TTN: variants seen among roughly 807,000 people sequenced by gnomAD.
TTN encodes the protein connectin.
Under a neutral mutation model 3,223.0 loss-of-function variants are expected in TTN, and 1,525 were observed. The observed-to-expected ratio is 0.47, with a 90% CI of 0.45 to 0.49. The LOEUF (loss-of-function observed/expected upper bound fraction) is 0.49, where lower values mean the gene tolerates loss of function less well. TTN is among the 20% of genes least tolerant of loss of function. The pLI, the probability that TTN is intolerant of heterozygous loss-of-function variation, is 0.00. For synonymous variants in TTN, 14,094 were observed against 15,161.0 expected (o/e 0.93, Z 5.17); for missense variants, 40,786 against 43,424.0 (o/e 0.94, Z 5.40).
chr2:178,677,133 C>A (rs2068245562), intron 147 of TTN, 68 bp downstream of exon 147: 2 of 1,051,996 alleles, frequency 1.9e-6, no homozygotes. Flanking sequence ...TCCTAAAACC[C>A]AGTTTCATCA....
At chr2:178,805,080 T>C (rs1266813100) in intron 1 of TTN, among the ~76,000 whole-genome samples, 1 of 152,118 alleles carries the variant, frequency 6.6e-6, no homozygotes, top group Admixed American at 6.5e-5. Flanking sequence ...TGGTGGCTCA[T>C]GCTGGTAATC....
chr2:178,679,769 C>A (rs2068913412), intron 140 of TTN, 87 bp from the exon 141 acceptor site: 1 of 1,534,030 alleles, frequency 6.5e-7, no homozygotes, highest in East Asian at 2.3e-5. Flanking sequence ...ATTTCAGCAT[C>A]TAAAAATATC....
chr2:178,593,433 G>A lies in TTN; in HGVS notation c.58775C>T (p.Thr19592Ile), dbSNP rs745441183. 6.2e-7 allele frequency: 1 copy of A among 1,612,928 alleles called. No homozygotes were observed. The highest frequency in any genetic ancestry group is 8.5e-7 in the Non-Finnish European group (1 of 1,179,540). ...APDQPIVTEV[T>I]KDSALVTWNK... is the part of the protein sequence containing the mutation. Reference sequence around the variant, plus strand: ...CCAGGTTACTAATGCAGAGTCTTTGGTAACTTCTGTAACAATTGGCTGATC... The same window carrying A: ...CCAGGTTACTAATGCAGAGTCTTTGATAACTTCTGTAACAATTGGCTGATC... Residue 19592 changes from threonine to isoleucine, a missense_variant, in exon 299 of 363, where the codon ACC becomes ATC. Coordinates refer to ENST00000589042, the MANE Select transcript of TTN (RefSeq NM_001267550.2).
At chr2:178,540,026 CTA>C in intron 351 of TTN, 40 bp downstream of exon 351, 1 of 1,598,068 alleles carries the variant, frequency 6.3e-7, no homozygotes, top group East Asian at 2.2e-5. Flanking sequence ...AGAAATAAGT[CTA>C]TGGCAATTAT....
rs150733188 is a variant in TTN at position 178,684,711 on chromosome 2, C to G, written c.32593G>C (p.Val10865Leu). 2.2e-4 allele frequency: 362 copies of G among 1,613,548 alleles called. No individual in the cohort carries two copies. The African/African-American group carries it at 4.3e-3, about 19-fold the overall frequency. The change falls in exon 131 of 363, where the codon GTT becomes CTT. Residue 10865 changes from valine to leucine, a missense_variant. Physicochemically the swap from Val to Leu is conservative, Grantham distance 32 (BLOSUM62 1). Transcript: ENST00000589042. ...TCCATCTTAATGACTTTTGGAGGAA[C>G]CTTTTTTTCTGGAACTGGTTTCTTT... ...EPKKPVPEKKVPPKVIKMEEP... is the reference protein window; with the variant it reads ...EPKKPVPEKKLPPKVIKMEEP...
At chr2:178,765,471 G>T (rs1381810131) in intron 41 of TTN, among the ~76,000 whole-genome samples, 1 of 152,140 alleles carries the variant, frequency 6.6e-6, no homozygotes, top group Non-Finnish European at 1.5e-5. Flanking sequence ...CTTCTGTGAG[G>T]CTGGTTTCTG....
chr2:178,641,974 T>C (rs2061296470), intron 219 of TTN, among the ~76,000 whole-genome samples: 1 of 151,858 alleles, frequency 6.6e-6, no homozygotes, highest in South Asian at 2.1e-4. Flanking sequence ...TTGTTGTTAG[T>C]TTAGAATATT....
chr2:178,673,535 TA>T, intron 152 of TTN, 97 bp downstream of exon 152: 1 of 826,168 alleles, frequency 1.2e-6, no homozygotes, highest in Non-Finnish European at 1.8e-6. Context: ...GTTCACTATC[TA>T]AATGATTATA....
chr2:178,617,318 G>T lies in TTN; in HGVS notation c.47760+7C>A. ...TGAATATTCTTTTTTATATGCAAAT[G>T]ACCTACCTTGTAAGTCAGTTCAGGG... On this transcript the variant is annotated splice_region_variant and intron_variant, in intron 254 of 362. Transcript: ENST00000589042. 1 of 1,563,234 alleles carries T rather than the reference G, an allele frequency of 6.4e-7. No homozygotes were observed. Among genetic ancestry groups the T allele is most frequent in the South Asian group, 1.2e-5 (1 of 81,804 alleles).
intron 10 of TTN, 71 bp downstream of exon 10, chr2:178,792,001 T>C: frequency 3.2e-6 from 5 of 1,544,842 alleles, no homozygotes; most frequent in Non-Finnish European, 3.5e-6. Flanking sequence ...GTTTTGACTA[T>C]AAGCTACCTG....
At chr2:178,769,344 T>C (rs2091094221) in intron 37 of TTN, among the ~76,000 whole-genome samples, 1 of 151,964 alleles carries the variant, frequency 6.6e-6, no homozygotes, top group African/African-American at 2.4e-5. Flanking sequence ...GCCTTGGCCT[T>C]CTGGGCCCAA....
rs181687015 is a variant in TTN, at chr2:178,554,412, A to T, written c.88894+41T>A. 6.9e-6 allele frequency: 11 copies of T among 1,587,006 alleles called. No individual in the cohort carries two copies. In the African/African-American group the frequency reaches 1.4e-4, roughly 20 times the overall value. ...CACAGGTTAGCGTAGTTTATTTTTA[A>T]ATTTTTCACGTTTCAGTTTTCTAAT... On this transcript the variant is annotated intron_variant, in intron 332 of 362. Transcript: ENST00000589042.
Position 178,636,054 on chromosome 2 carries a change from G to A in TTN, c.41517C>T (p.Ile13839=). Residue 13839 remains isoleucine, a synonymous_variant, in exon 226 of 363, where the codon ATC becomes ATT. Coordinates refer to ENST00000589042, the MANE Select transcript of TTN (RefSeq NM_001267550.2). This position sits in a 1 kb window ranked among gnomAD's most constrained non-coding sequence, Gnocchi z 4.3. ...CAGCATCTGTGTCATCTGCATCGTT[G>A]ATGGTCAGAGCCCGCATCAAGCCAA... ...GVIGLMRALT[I]NDADDTDAGT... 3 of 1,613,250 alleles carry A rather than the reference G, an allele frequency of 1.9e-6. No homozygotes were observed. Among genetic ancestry groups the A allele is most frequent in the Non-Finnish European group, 2.5e-6 (3 of 1,179,484 alleles).
At chr2:178,633,733 G>C in intron 231 of TTN, 57 bp from the exon 232 acceptor site, 1 of 1,606,182 alleles carries the variant, frequency 6.2e-7, no homozygotes, top group Non-Finnish European at 8.5e-7. Flanking sequence ...GTTTATTAAA[G>C]AGTAAAAGGT....
chr2:178,680,195 T>G, intron 139 of TTN, 59 bp downstream of exon 139: 1 of 1,597,570 alleles, frequency 6.3e-7, no homozygotes, highest in African/African-American at 1.3e-5. Context: ...CACACAGAAC[T>G]GAAGAGGAAT....
rs1698630177 is a variant in TTN, at chr2:178,549,866, G to A, written c.91856C>T (p.Thr30619Ile). 2 of 1,548,718 alleles carry A rather than the reference G, an allele frequency of 1.3e-6. No individual in the cohort carries two copies. Among genetic ancestry groups the A allele is most frequent in the Admixed American group, 2.1e-5 (1 of 47,924 alleles). ...KAEIKVKVQD[T>I]PGKVVGPIRF... The stretch of plus-strand genomic sequence containing the variant: ...TATTGGCCCAACTACTTTTCCTGGT[G>A]TATCTATAAGAAAAAGTTTCTAGAG... The change falls in exon 338 of 363, where the codon ACA becomes ATA. Residue 30619 changes from threonine to isoleucine, a missense_variant. By Grantham distance (89) the Thr-to-Ile change is moderately conservative. Coordinates refer to ENST00000589042, the MANE Select transcript of TTN (RefSeq NM_001267550.2).
intron 270 of TTN, 57 bp downstream of exon 270, chr2:178,610,936 T>A (rs1418833720): frequency 6.3e-7 from 1 of 1,595,742 alleles, no homozygotes; most frequent in African/African-American, 1.4e-5. Context: ...CACTGCAAAG[T>A]TAACTAATTT....
At position 178,731,904 on chromosome 2, in the gene TTN, C is replaced by T. The variant is rs1233544211; in HGVS notation, c.16971G>A (p.Leu5657=). 5 of 1,613,572 alleles carry T rather than the reference C, an allele frequency of 3.1e-6. No individual in the cohort carries two copies. In the East Asian group the frequency reaches 1.1e-4, roughly 36 times the overall value. Residue 5657 remains leucine (L), a synonymous_variant, in exon 58 of 363, where the codon CTG becomes CTA. Transcript: ENST00000589042. ...AGGGAGGAGTGCCTGCCACCTCAGC[C>T]AGCAACATGACATCGTACTCCTTTA... is the stretch of plus-strand genomic sequence containing the variant. The part of the protein sequence containing the change: ...EVLKEYDVML[L]AEVAGTPPFE...
In TTN at chr2:178,544,338, G is replaced by A. The variant is rs1354236675; in HGVS notation, c.95891C>T (p.Thr31964Ile). The stretch of plus-strand genomic sequence containing the variant: ...CACAGTGAATTCAGTATTTCTTATT[G>A]TGGCATTGGTATGCACTCGGTACCA... ...DQWYRVHTNA[T>I]IRNTEFTVPD... The change falls in exon 345 of 363, where the codon ACA becomes ATA. Residue 31964 changes from threonine to isoleucine, a missense_variant. Physicochemically the swap from Thr to Ile is moderately conservative, Grantham distance 89. Coordinates refer to ENST00000589042, the MANE Select transcript of TTN (RefSeq NM_001267550.2). 1 of 1,613,494 alleles carries A rather than the reference G, an allele frequency of 6.2e-7. No individual in the cohort carries two copies. The highest frequency in any genetic ancestry group is 1.3e-5 in the African/African-American group (1 of 74,838).
Sources: allele counts gnomAD v4.1 joint callset (sites outside exome capture counted in the v4.1 genomes callset), GRCh38; gene constraint gnomAD v4.1.1; non-coding constraint Gnocchi (gnomAD v3.1); transcripts MANE v1.5; gene names NCBI Gene and HGNC (gene_info 2026-07-23, HGNC 2026-07-21).